NPHP4: variants seen among roughly 807,000 people sequenced by gnomAD.
NPHP4 encodes nephrocystin-4.
In NPHP4, 151 loss-of-function variants were observed where a neutral mutation model predicts 155.8. The ratio of observed to expected loss-of-function variants is 0.97; its 90% CI spans 0.85 to 1.11. NPHP4 has a LOEUF of 1.11. NPHP4 is among the 50% of genes least tolerant of loss of function. The pLI is 0.00. For missense variants in NPHP4, 1,956 were observed against 1,925.7 expected, an observed-to-expected ratio of 1.02 and a Z score of -0.29; for synonymous variants, 845 against 816.8, an observed-to-expected ratio of 1.03 and a Z score of -0.59.
chr1:5,915,610 A>G (rs1889971), intron 11 of NPHP4, among the ~76,000 whole-genome samples: 6,537 of 152,170 alleles, frequency 0.043, 443 homozygotes, highest in African/African-American at 0.15. Context: ...GCAGCCCAGG[A>G]CTGCAGGAGT....
rs1647026373 is a variant in NPHP4, at chr1:5,945,172, TGA to T, written c.1119+1930_1119+1931del. Among the ~76,000 whole-genome samples, 7 of 152,276 alleles carry T rather than the reference TGA, an allele frequency of 4.6e-5. No homozygotes were observed. In the South Asian group the frequency reaches 1.4e-3, roughly 32 times the overall value. On this transcript the variant is annotated intron_variant, in intron 9 of 29. Transcript: ENST00000378156. The stretch of plus-strand genomic sequence containing the variant: ...ACAATTAATATTCTCTAGAAGACAC[TGA>T]GAGTGAGGCGCCAGCCCTCCTGCTC...
intron 5 of NPHP4, among the ~76,000 whole-genome samples, chr1:5,966,894 G>A (rs973357493): frequency 8.5e-5 from 13 of 152,222 alleles, no homozygotes; most frequent in Non-Finnish European, 1.5e-4. Flanking sequence ...GCTCCCCGCC[G>A]ACCCCTGCTC....
At chr1:5,906,489 G>A (rs1255064007) in intron 13 of NPHP4, among the ~76,000 whole-genome samples, 1 of 152,254 alleles carries the variant, frequency 6.6e-6, no homozygotes, top group Non-Finnish European at 1.5e-5. Flanking sequence ...ACAAACACAT[G>A]AGCCCCAGAG....
At chr1:5,894,163 C>T (rs757482676) in intron 16 of NPHP4, among the ~76,000 whole-genome samples, 2 of 152,140 alleles carry the variant, frequency 1.3e-5, no homozygotes, top group African/African-American at 4.8e-5. Flanking sequence ...GTTGGCTTGC[C>T]ACCCACAGGC....
chr1:5,978,226 C>A (rs1442955341), intron 3 of NPHP4, 44 bp downstream of exon 3: 1 of 1,573,768 alleles, frequency 6.4e-7, no homozygotes, highest in Admixed American at 1.8e-5. Flanking sequence ...CGCACACACA[C>A]CCTCCGCCTT....
At chr1:5,932,416 T>C (rs1196139425) in intron 10 of NPHP4, among the ~76,000 whole-genome samples, 1 of 152,124 alleles carries the variant, frequency 6.6e-6, no homozygotes, top group Non-Finnish European at 1.5e-5. Flanking sequence ...CTTTAAAATC[T>C]CACCAAACAC....
At chr1:5,864,280 G>A in intron 28 of NPHP4, 58 bp downstream of exon 28, 1 of 1,483,852 alleles carries the variant, frequency 6.7e-7, no homozygotes, top group Non-Finnish European at 9.1e-7. Flanking sequence ...TGGGGGTCCT[G>A]CAGTGCCCTG....
rs753250092 is a variant in NPHP4, at chr1:5,909,155, T to C, written c.1500A>G (p.Pro500=). Residue 500 remains proline (P), a synonymous_variant, in exon 12 of 30, where the codon CCA becomes CCG. Coordinates refer to ENST00000378156, the MANE Select transcript of NPHP4 (RefSeq NM_015102.5). ...GCCGTGGGGGGCCTGGACTTACCCCTGGTCCCACAGGTGAGTTCTGCGGGG... is the reference window on the plus strand; with the variant it reads ...GCCGTGGGGGGCCTGGACTTACCCCCGGTCCCACAGGTGAGTTCTGCGGGG... ...LAAPQNSPVG[P]GLSISQLAAS... The C allele has an allele frequency of 1.4e-4, 229 of 1,597,638 alleles. No homozygotes were observed. Among genetic ancestry groups the C allele is most frequent in the Non-Finnish European group, 1.8e-4 (216 of 1,172,218 alleles).
chr1:5,965,941 C>A (rs536850359), intron 5 of NPHP4, among the ~76,000 whole-genome samples: 1 of 152,138 alleles, frequency 6.6e-6, no homozygotes, highest in Admixed American at 6.6e-5. Flanking sequence ...GACTCAGCTG[C>A]GCACGTGCAC....
chr1:5,919,311 T>C (rs190094872), intron 11 of NPHP4, among the ~76,000 whole-genome samples: 2 of 152,322 alleles, frequency 1.3e-5, no homozygotes, highest in South Asian at 2.1e-4. Flanking sequence ...TTTAATACTT[T>C]TTTTGAACAG....
chr1:5,982,184 T>C (rs757175917), intron 2 of NPHP4, among the ~76,000 whole-genome samples: 2 of 152,362 alleles, frequency 1.3e-5, no homozygotes, highest in East Asian at 3.8e-4. Flanking sequence ...TCTCTATTAT[T>C]TGTCCTTTAT....
chr1:5,914,826 G>A (rs1006999956), intron 11 of NPHP4, among the ~76,000 whole-genome samples: 4 of 152,202 alleles, frequency 2.6e-5, no homozygotes, highest in Admixed American at 6.5e-5. Flanking sequence ...AGGCCAACGT[G>A]TCCTTTCTGG....
intron 16 of NPHP4, among the ~76,000 whole-genome samples, chr1:5,900,808 A>G (rs1644638493): frequency 6.6e-6 from 1 of 152,062 alleles, no homozygotes. Flanking sequence ...AGGCAGGAGG[A>G]TCACTTGAGC....
At chr1:5,917,064 C>G (rs115127558) in intron 11 of NPHP4, among the ~76,000 whole-genome samples, 1,885 of 152,284 alleles carry the variant, frequency 0.012, 44 homozygotes, top group African/African-American at 0.043. Flanking sequence ...GAGCCCCAAC[C>G]CAGAGGCAGC....
chr1:5,973,097 C>G (rs1460440918), intron 3 of NPHP4, among the ~76,000 whole-genome samples: 5 of 152,206 alleles, frequency 3.3e-5, no homozygotes, highest in Admixed American at 3.3e-4. Flanking sequence ...GTTGGCCAGG[C>G]TGGTCTCAAA....
Position 5,887,584 on chromosome 1 carries a change from T to G in NPHP4, c.2305-118A>C. On this transcript the variant is annotated intron_variant, in intron 17 of 29. Coordinates refer to ENST00000378156, the MANE Select transcript of NPHP4 (RefSeq NM_015102.5). ...GAAAGCCACTGTGGGCGGGAGGGGG[T>G]GTGCGCAGGATAAGACCCTGCACCA... 2.7e-6 allele frequency: 3 copies of G among 1,097,208 alleles called. No individual in the cohort carries two copies. In the South Asian group the frequency reaches 4.4e-5, roughly 16 times the overall value. The allele number at this position is 1,097,208 out of a possible 1,614,324, so 68.0% of individuals were successfully genotyped here.
chr1:5,969,321 C>A, intron 3 of NPHP4, 62 bp from the exon 4 acceptor site: 1 of 1,179,164 alleles, frequency 8.5e-7, no homozygotes, highest in Non-Finnish European at 1.2e-6. Flanking sequence ...AGGACATGGG[C>A]GCTGTCCCCA....
intron 25 of NPHP4, 124 bp downstream of exon 25, chr1:5,866,906 G>C (rs1023051017): frequency 4.0e-5 from 30 of 747,486 alleles, no homozygotes; most frequent in Middle Eastern, 3.6e-4. Context: ...TAGTACCTTG[G>C]GAAAGAAACC....
chr1:5,893,663 G>A (rs900312637), intron 16 of NPHP4, among the ~76,000 whole-genome samples: 3 of 152,210 alleles, frequency 2.0e-5, no homozygotes, highest in African/African-American at 4.8e-5. Context: ...AACTGCAGGC[G>A]AGCATGACTG....
Sources: allele counts gnomAD v4.1 joint callset (sites outside exome capture counted in the v4.1 genomes callset), GRCh38; gene constraint gnomAD v4.1.1; transcripts MANE v1.5; gene names NCBI Gene and HGNC (gene_info 2026-07-23, HGNC 2026-07-21).